The following ZNF644 variants were observed in gnomAD, a reference collection of about 807,000 sequenced individuals.
The protein encoded by ZNF644 is zinc finger motif enhancer binding protein 2.
ZNF644 carries 20 observed loss-of-function variants against 108.0 expected under a neutral mutation model. The observed-to-expected ratio is 0.19, with a 90% CI of 0.13 to 0.27. The LOEUF is 0.27. Among genes scored for constraint, ZNF644 ranks in the 10% least tolerant of loss-of-function variants. ZNF644 has a pLI of 1.00. For synonymous variants in ZNF644, 542 were observed against 539.1 expected (o/e 1.01, Z -0.08); for missense variants, 1,338 against 1,548.9 (o/e 0.86, Z 2.29).
At chr1:90,968,363 T>C (rs894755184) in intron 2 of ZNF644, among the ~76,000 whole-genome samples, 1 of 152,138 alleles carries the variant, frequency 6.6e-6, no homozygotes, top group Non-Finnish European at 1.5e-5. Flanking sequence ...TGCCCCCAAA[T>C]TAAAAATTTG....
intron 2 of ZNF644, among the ~76,000 whole-genome samples, chr1:90,959,457 T>C (rs961403544): frequency 1.3e-5 from 2 of 152,346 alleles, no homozygotes; most frequent in South Asian, 2.1e-4. Context: ...CATATGTTTA[T>C]AGCACTGTAT....
intron 2 of ZNF644, among the ~76,000 whole-genome samples, chr1:90,979,638 T>C (rs1656359256): frequency 6.6e-6 from 1 of 152,210 alleles, no homozygotes; most frequent in African/African-American, 2.4e-5. Flanking sequence ...TCCTCCATCC[T>C]AACAGTTTTT....
At position 90,941,201 on chromosome 1, in the gene ZNF644, G is replaced by C. The variant is rs1347609543; in HGVS notation, c.153C>G (p.Asp51Glu). The change falls in exon 3 of 6, where the codon GAC (aspartate) becomes GAG (glutamate). Residue 51 changes from aspartate to glutamate, a missense_variant. By Grantham distance (45) the Asp-to-Glu change is conservative. Around this residue, in one of 6 missense-constraint regions of ZNF644, gnomAD observed 464 missense variants for 457.9 expected, o/e 1.01. Transcript: ENST00000337393. Reference sequence around the variant, plus strand: ...TTGGCTTATGAACTCCGCTCTCTTTGTCTGAGATAAAATTGTTGTCATCTA... The same window carrying C: ...TTGGCTTATGAACTCCGCTCTCTTTCTCTGAGATAAAATTGTTGTCATCTA... ...ELLDDNNFIS[D>E]KESGVHKPKD... 3 of 1,607,410 alleles carry C rather than the reference G, an allele frequency of 1.9e-6. No homozygotes were observed. The highest frequency in any genetic ancestry group is 2.5e-6 in the Non-Finnish European group (3 of 1,177,900).
chr1:91,010,484 T>G (rs2100629169), intron 1 of ZNF644, among the ~76,000 whole-genome samples: 1 of 150,794 alleles, frequency 6.6e-6, no homozygotes, highest in East Asian at 2.0e-4. Flanking sequence ...ACTCCTGACC[T>G]CAGGTGCTCC....
At chr1:90,936,294 T>C (rs368122766) in intron 4 of ZNF644, among the ~76,000 whole-genome samples, 8 of 152,182 alleles carry the variant, frequency 5.3e-5, no homozygotes, top group African/African-American at 1.9e-4. Flanking sequence ...GCCACAAATA[T>C]GCTTTCCATC....
chr1:90,935,165 C>CCACA (rs1437513672), intron 4 of ZNF644, among the ~76,000 whole-genome samples: 1 of 152,064 alleles, frequency 6.6e-6, no homozygotes, highest in East Asian at 1.9e-4. Context: ...ACTCAAAGTT[C>CCACA]CACACCTCTT....
At chr1:91,001,717 A>G (rs1279280135) in intron 1 of ZNF644, among the ~76,000 whole-genome samples, 1 of 152,218 alleles carries the variant, frequency 6.6e-6, no homozygotes, top group African/African-American at 2.4e-5. Context: ...AATAAGGGGT[A>G]TTCAGTTAGG....
chr1:90,946,029 C>T (rs17131245), intron 2 of ZNF644, among the ~76,000 whole-genome samples: 14,677 of 152,006 alleles, frequency 0.097, 909 homozygotes, highest in South Asian at 0.15. Flanking sequence ...TTAAATTATC[C>T]TTGTGAACAC....
intron 1 of ZNF644, among the ~76,000 whole-genome samples, chr1:90,982,604 G>C (rs946626866): frequency 1.3e-5 from 2 of 151,742 alleles, no homozygotes; most frequent in African/African-American, 4.8e-5. Context: ...ATTCAAATGA[G>C]AAATTGAAAC....
intron 2 of ZNF644, among the ~76,000 whole-genome samples, chr1:90,971,212 C>A: frequency 9.0e-6 from 1 of 110,746 alleles, no homozygotes. Context: ...TTCTGGAATC[C>A]AAGGATAGTT....
At chr1:90,983,028 T>A (rs1306929565) in intron 1 of ZNF644, among the ~76,000 whole-genome samples, 3 of 152,072 alleles carry the variant, frequency 2.0e-5, no homozygotes, top group Non-Finnish European at 4.4e-5. Flanking sequence ...CCACCATTAC[T>A]AATTTTACCA....
chr1:91,002,574 CCCTAGAAGAAAA>C, intron 1 of ZNF644, among the ~76,000 whole-genome samples: 1 of 152,158 alleles, frequency 6.6e-6, no homozygotes, highest in Non-Finnish European at 1.5e-5. Flanking sequence ...ACCACAAAAA[CCCTAGAAGAAAA>C]CCTAGGCAAT....
intron 4 of ZNF644, among the ~76,000 whole-genome samples, chr1:90,936,928 A>C (rs1164453027): frequency 6.6e-6 from 1 of 152,156 alleles, no homozygotes; most frequent in East Asian, 1.9e-4. Context: ...TCCAAAACCA[A>C]ACTATTCCGC....
chr1:90,978,410 GA>G (rs1656221680), intron 2 of ZNF644, among the ~76,000 whole-genome samples: 1 of 151,764 alleles, frequency 6.6e-6, no homozygotes, highest in African/African-American at 2.4e-5. Context: ...AATACAGCTG[GA>G]AAGGGTCAAT....
intron 2 of ZNF644, among the ~76,000 whole-genome samples, chr1:90,966,198 T>C (rs1654859242): frequency 6.6e-6 from 1 of 152,206 alleles, no homozygotes; most frequent in Non-Finnish European, 1.5e-5. Context: ...ATCTCCTTCT[T>C]AGTTCTTCGT....
At position 90,920,260 on chromosome 1, in the gene ZNF644, A is replaced by G. The variant is rs930385313; in HGVS notation, c.3689-2106T>C. 5.9e-4 allele frequency among the ~76,000 whole-genome samples: 90 copies of G among 152,018 alleles called. 1 individual carries two copies. The highest frequency in any genetic ancestry group is 2.1e-3 in the African/African-American group (86 of 41,426). On this transcript the variant is annotated intron_variant, in intron 4 of 5. Coordinates refer to ENST00000337393, the MANE Select transcript of ZNF644 (RefSeq NM_201269.3). Reference sequence around the variant, plus strand: ...ACTTTGATGAGCTTGCTGGTTGTCAAAATTGCCACACTGTATTCAAACTCC... The same window carrying G: ...ACTTTGATGAGCTTGCTGGTTGTCAGAATTGCCACACTGTATTCAAACTCC...
chr1:90,959,372 T>A (rs1283240192), intron 2 of ZNF644, among the ~76,000 whole-genome samples: 4 of 152,168 alleles, frequency 2.6e-5, no homozygotes. Flanking sequence ...TAGATTACCA[T>A]ATGATCCAGC....
At chr1:91,011,628 C>A (rs1275880126) in intron 1 of ZNF644, among the ~76,000 whole-genome samples, 1 of 152,134 alleles carries the variant, frequency 6.6e-6, no homozygotes, top group African/African-American at 2.4e-5. Context: ...ATCAACAATT[C>A]TATTTCAGTT....
rs540119956 is a variant in ZNF644 at position 90,933,355 on chromosome 1, AG to A, written c.3688+4129del. Among the ~76,000 whole-genome samples the A allele has an allele frequency of 2.3e-3, 356 of 152,266 alleles. 1 individual carries two copies. Among genetic ancestry groups the A allele is most frequent in the Non-Finnish European group, 3.6e-3 (248 of 68,010 alleles). On this transcript the variant is annotated intron_variant, in intron 4 of 5. Coordinates refer to ENST00000337393, the MANE Select transcript of ZNF644 (RefSeq NM_201269.3). Reference sequence around the variant, plus strand: ...TTATTTATTCAGTCTTCACCAGAATAGTCCCCATTTTAAACCCACCTTCAGG... The same window carrying A: ...TTATTTATTCAGTCTTCACCAGAATATCCCCATTTTAAACCCACCTTCAGG...
Sources: gnomAD v4.1 joint callset for allele counts (sites outside exome capture counted in the v4.1 genomes callset) on GRCh38, gnomAD v4.1.1 for gene constraint, gnomAD v4.1.1 regional missense constraint, MANE v1.5 for transcripts, NCBI Gene and HGNC (gene_info 2026-07-23, HGNC 2026-07-21) for gene names.